Variants in PLEKHG7 observed in about 807,000 individuals in gnomAD.
PLEKHG7 encodes the protein pleckstrin homology and RhoGEF domain containing G7.
PLEKHG7 carries 77 observed loss-of-function variants against 85.2 expected under a neutral mutation model. The observed-to-expected ratio is 0.90, with a 90% CI of 0.75 to 1.09. The LOEUF (loss-of-function observed/expected upper bound fraction) is 1.09, where lower values mean the gene tolerates loss of function less well. PLEKHG7 is among the 50% of genes least tolerant of loss of function. The pLI is 0.00. For missense variants in PLEKHG7, 777 were observed against 804.3 expected, an observed-to-expected ratio of 0.97 and a Z score of 0.41; for synonymous variants, 301 against 302.4, an observed-to-expected ratio of 1.00 and a Z score of 0.05.
At chr12:92,728,925 A>C in intron 3 of PLEKHG7, 68 bp from the exon 4 acceptor site, 1 of 1,164,232 alleles carries the variant, frequency 8.6e-7, no homozygotes, top group Non-Finnish European at 1.1e-6. Context: ...TTACTTTTTA[A>C]AAATAGCCAT....
Position 92,740,837 on chromosome 12 carries a change from A to G in PLEKHG7, c.940-16A>G. ...AAAAAACAGAAATTAATGTGTATAT[A>G]TTTTTTATTTCAAAGATCTTTATGA... On this transcript the variant is annotated splice_polypyrimidine_tract_variant and intron_variant, in intron 7 of 16. Coordinates refer to ENST00000344636, the MANE Select transcript of PLEKHG7 (RefSeq NM_001377329.1). 1 of 1,534,130 alleles carries G rather than the reference A, an allele frequency of 6.5e-7. No individual in the cohort carries two copies. Among genetic ancestry groups the G allele is most frequent in the Non-Finnish European group, 9.0e-7 (1 of 1,116,068 alleles).
At chr12:92,731,310 G>T (rs185204755) in intron 4 of PLEKHG7, among the ~76,000 whole-genome samples, 140 of 152,334 alleles carry the variant, frequency 9.2e-4, no homozygotes, top group African/African-American at 3.2e-3. Flanking sequence ...CAAAATGAAT[G>T]AGAGGATAAT....
At position 92,737,490 on chromosome 12, in the gene PLEKHG7, A is replaced by G; in HGVS notation, c.908A>G (p.Tyr303Cys). The change falls in exon 7 of 17, where the codon TAT becomes TGT. Residue 303 changes from tyrosine to cysteine, a missense_variant. Tyr to Cys is a radical substitution (Grantham distance 194). This residue lies in a region of PLEKHG7 where 520 missense variants were observed against 544.0 expected (regional missense o/e 0.96). Transcript: ENST00000344636. ...GAACTTTTCACAAGTGAATGCACCT[A>G]TTTTTTGGACCATTTATTAGTTCTT... Reference protein sequence around the residue: ...VWELFTSECTYFLDHLLVLKM... With the variant: ...VWELFTSECTCFLDHLLVLKM... 1 of 1,604,468 alleles carries G rather than the reference A, an allele frequency of 6.2e-7. No individual in the cohort carries two copies. The highest frequency in any genetic ancestry group is 8.5e-7 in the Non-Finnish European group (1 of 1,177,860).
At chr12:92,730,141 ATAAC>A (rs1199794615) in intron 4 of PLEKHG7, among the ~76,000 whole-genome samples, 1 of 152,182 alleles carries the variant, frequency 6.6e-6, no homozygotes, top group African/African-American at 2.4e-5. Flanking sequence ...TGAATACATC[ATAAC>A]TAACATGTTT....
Position 92,729,023 on chromosome 12 carries a change from G to T in PLEKHG7, c.561G>T (p.Val187=). 1.6e-6 allele frequency: 2 copies of T among 1,231,848 alleles called. No homozygotes were observed. Among genetic ancestry groups the T allele is most frequent in the Non-Finnish European group, 2.0e-6 (2 of 987,810 alleles). 76.3% of individuals were successfully genotyped at this position (1,231,848 alleles called of 1,614,324 possible). Residue 187 remains valine (V), a synonymous_variant, in exon 4 of 17, where the codon GTG becomes GTT. Coordinates refer to ENST00000344636, the MANE Select transcript of PLEKHG7 (RefSeq NM_001377329.1). ...ACGAGCACAGGCGGAGTTCTGTGGT[G>T]CTGAACTTACCTGGACTTGAGGTGT... The part of the protein sequence containing the change: ...RFYEHRRSSV[V]LNLPGLEVFP...
intron 10 of PLEKHG7, among the ~76,000 whole-genome samples, chr12:92,751,219 A>C (rs1320412678): frequency 6.6e-6 from 1 of 152,214 alleles, no homozygotes; most frequent in Non-Finnish European, 1.5e-5. Context: ...TAGAACAACC[A>C]TATCTTTCAG....
chr12:92,768,178 G>C (rs1873271010), intron 15 of PLEKHG7, among the ~76,000 whole-genome samples: 1 of 151,544 alleles, frequency 6.6e-6, no homozygotes, highest in Non-Finnish European at 1.5e-5. Flanking sequence ...CTGCACTCCA[G>C]CCCGGGCGAC....
intron 16 of PLEKHG7, among the ~76,000 whole-genome samples, chr12:92,769,576 C>A (rs959125875): frequency 6.6e-6 from 1 of 152,164 alleles, no homozygotes; most frequent in African/African-American, 2.4e-5. Context: ...GTTGAAAGAG[C>A]AGCTGCCTGA....
intron 14 of PLEKHG7, among the ~76,000 whole-genome samples, chr12:92,763,471 A>G (rs1873094547): frequency 6.6e-6 from 1 of 152,158 alleles, no homozygotes; most frequent in African/African-American, 2.4e-5. Context: ...AATGTTTCCC[A>G]GTTATGGACA....
intron 1 of PLEKHG7, among the ~76,000 whole-genome samples, chr12:92,704,244 G>A (rs894484181): frequency 1.1e-4 from 16 of 151,652 alleles, no homozygotes; most frequent in African/African-American, 3.6e-4. Context: ...CTGGGCGACA[G>A]AGCCAGACTC....
At chr12:92,736,622 G>A (rs934501398) in intron 6 of PLEKHG7, 45 bp downstream of exon 6, 33 of 1,148,574 alleles carry the variant, frequency 2.9e-5, no homozygotes, top group Middle Eastern at 3.3e-4. Flanking sequence ...TTTTCTTTTC[G>A]TTTTTTGGTG....
intron 13 of PLEKHG7, among the ~76,000 whole-genome samples, chr12:92,757,394 G>A (rs1404359642): frequency 6.6e-6 from 1 of 152,140 alleles, no homozygotes; most frequent in Admixed American, 6.5e-5. Flanking sequence ...GAAGTCCTGT[G>A]GGATGGGATG....
chr12:92,719,018 T>C (rs538480232), intron 3 of PLEKHG7, among the ~76,000 whole-genome samples: 2 of 152,326 alleles, frequency 1.3e-5, no homozygotes, highest in South Asian at 4.1e-4. Flanking sequence ...TAGTACCGGA[T>C]TCCAGGCGGT....
At chr12:92,753,162 A>T (rs898332159) in intron 10 of PLEKHG7, among the ~76,000 whole-genome samples, 1 of 152,158 alleles carries the variant, frequency 6.6e-6, no homozygotes, top group African/African-American at 2.4e-5. Flanking sequence ...TTATCGCTGA[A>T]CTCAGGGTCA....
At chr12:92,712,009 G>A (rs1410315550) in intron 3 of PLEKHG7, among the ~76,000 whole-genome samples, 1 of 152,212 alleles carries the variant, frequency 6.6e-6, no homozygotes, top group Non-Finnish European at 1.5e-5. Flanking sequence ...TTTCACTTTA[G>A]AAGGAATATC....
chr12:92,755,670 G>A (rs934105930), intron 11 of PLEKHG7, among the ~76,000 whole-genome samples, 155 bp from the exon 12 acceptor site: 3 of 152,240 alleles, frequency 2.0e-5, no homozygotes, highest in Admixed American at 6.5e-5. Flanking sequence ...TTTCTAAGAC[G>A]CATGAACAGC....
chr12:92,744,570 A>G (rs1296439275), intron 9 of PLEKHG7, among the ~76,000 whole-genome samples: 1 of 152,100 alleles, frequency 6.6e-6, no homozygotes. Flanking sequence ...AAAAATAACG[A>G]AGAAAAGGGA....
At chr12:92,727,598 T>A (rs1871851459) in intron 3 of PLEKHG7, among the ~76,000 whole-genome samples, 1 of 152,090 alleles carries the variant, frequency 6.6e-6, no homozygotes, top group South Asian at 2.1e-4. Context: ...TTTCATGCTT[T>A]TTTTTTTCCA....
chr12:92,762,267 C>T (rs774156052), intron 14 of PLEKHG7, among the ~76,000 whole-genome samples: 6 of 152,120 alleles, frequency 3.9e-5, no homozygotes, highest in Non-Finnish European at 8.8e-5. Flanking sequence ...TGTCTTATGT[C>T]GAGGTGGTTT....
Sources: allele counts gnomAD v4.1 joint callset (sites outside exome capture counted in the v4.1 genomes callset), GRCh38; gene constraint gnomAD v4.1.1; regional missense constraint gnomAD v4.1.1; transcripts MANE v1.5; gene names NCBI Gene and HGNC (gene_info 2026-07-23, HGNC 2026-07-21).